The following LIMCH1 variants were observed in gnomAD, a reference collection of about 807,000 sequenced individuals.
LIMCH1 encodes LIM and calponin homology domains 1.
In LIMCH1, 113 loss-of-function variants were observed where a neutral mutation model predicts 176.5. That is an observed-to-expected ratio of 0.64 (90% CI 0.55 to 0.75). The LOEUF is 0.75. Among genes scored for constraint, LIMCH1 ranks in the 30% least tolerant of loss-of-function variants. The pLI is 0.00. For missense variants in LIMCH1, 1,674 were observed against 1,814.9 expected (o/e 0.92, Z 1.41); for synonymous variants, 619 against 645.9 (o/e 0.96, Z 0.63).
chr4:41,644,408 G>C, intron 14 of LIMCH1, 92 bp from the exon 15 acceptor site: 1 of 1,391,092 alleles, frequency 7.2e-7, no homozygotes, highest in South Asian at 1.6e-5. Context: ...TCCAAGCCCG[G>C]TAGCGCCCCC....
intron 22 of LIMCH1, among the ~76,000 whole-genome samples, chr4:41,673,947 C>T (rs1406188476): frequency 1.3e-5 from 2 of 152,210 alleles, no homozygotes; most frequent in South Asian, 2.1e-4. Flanking sequence ...CCACTCCACA[C>T]ACACTCAGGT....
chr4:41,589,809 G>T (rs1421615363), intron 1 of LIMCH1, among the ~76,000 whole-genome samples: 1 of 152,066 alleles, frequency 6.6e-6, no homozygotes, highest in South Asian at 2.1e-4. Context: ...TACATATTCT[G>T]CAGGGGCCTT....
chr4:41,447,498 A>G (rs2063402500), intron 1 of LIMCH1, among the ~76,000 whole-genome samples: 1 of 152,218 alleles, frequency 6.6e-6, no homozygotes, highest in Non-Finnish European at 1.5e-5. Flanking sequence ...TTCAAGGAAA[A>G]CCAAATATTC....
intron 20 of LIMCH1, among the ~76,000 whole-genome samples, chr4:41,664,708 A>G (rs1461046430): frequency 2.6e-5 from 4 of 152,186 alleles, no homozygotes; most frequent in African/African-American, 9.6e-5. Flanking sequence ...TGAATACCCT[A>G]AGTAAAAAGC....
intron 13 of LIMCH1, among the ~76,000 whole-genome samples, chr4:41,637,174 C>CTCCTTT (rs5857810): frequency 0.49 from 73,385 of 151,042 alleles, 18,080 homozygotes; most frequent in South Asian, 0.52. Context: ...TGCCCTTGCA[C>CTCCTTT]TCCTTTTCCT....
intron 1 of LIMCH1, among the ~76,000 whole-genome samples, chr4:41,468,252 C>T (rs1345967689): frequency 1.7e-5 from 2 of 116,438 alleles, no homozygotes; most frequent in Non-Finnish European, 3.7e-5. Flanking sequence ...CCTCCCTCCC[C>T]TCCCTCCTTT....
chr4:41,380,210 A>G (rs931045927), intron 1 of LIMCH1, among the ~76,000 whole-genome samples: 1 of 152,202 alleles, frequency 6.6e-6, no homozygotes, highest in Admixed American at 6.5e-5. Context: ...CACTGGTAAT[A>G]TGCACTATTT....
intron 1 of LIMCH1, among the ~76,000 whole-genome samples, chr4:41,489,024 G>A (rs2070242239): frequency 6.6e-6 from 1 of 152,032 alleles, no homozygotes; most frequent in Non-Finnish European, 1.5e-5. Flanking sequence ...CGTGTCAAGG[G>A]ATTTATCAAG....
intron 1 of LIMCH1, among the ~76,000 whole-genome samples, chr4:41,543,971 T>G (rs2079024028): frequency 6.6e-6 from 1 of 152,224 alleles, no homozygotes; most frequent in African/African-American, 2.4e-5. Context: ...AGATGTTTAC[T>G]TCTATATTTT....
intron 1 of LIMCH1, among the ~76,000 whole-genome samples, chr4:41,593,118 C>G (rs1423802140): frequency 6.6e-6 from 1 of 152,112 alleles, no homozygotes; most frequent in African/African-American, 2.4e-5. Context: ...GAGTGAGTTG[C>G]AAGGATGTCT....
intron 1 of LIMCH1, among the ~76,000 whole-genome samples, chr4:41,382,729 CA>C (rs2055877733): frequency 6.6e-6 from 1 of 152,180 alleles, no homozygotes; most frequent in Admixed American, 6.5e-5. Flanking sequence ...ATACTCAGCT[CA>C]ACACTCAGGG....
At chr4:41,416,031 G>T (rs1224528954) in intron 1 of LIMCH1, among the ~76,000 whole-genome samples, 1 of 152,006 alleles carries the variant, frequency 6.6e-6, no homozygotes. Flanking sequence ...TTCTTTGAGG[G>T]TATTTTATGT....
At chr4:41,409,313 T>C (rs1206431272) in intron 1 of LIMCH1, among the ~76,000 whole-genome samples, 1 of 152,170 alleles carries the variant, frequency 6.6e-6, no homozygotes, top group East Asian at 1.9e-4. Flanking sequence ...TTTGAGTCAG[T>C]TCATTAGGAA....
intron 1 of LIMCH1, among the ~76,000 whole-genome samples, chr4:41,370,446 G>A (rs907547425): frequency 6.6e-6 from 1 of 152,036 alleles, no homozygotes; most frequent in African/African-American, 2.4e-5. Context: ...AAATGGCCAC[G>A]GCTGTGACTG....
intron 1 of LIMCH1, among the ~76,000 whole-genome samples, chr4:41,400,582 T>C (rs1440716829): frequency 6.6e-6 from 1 of 152,196 alleles, no homozygotes; most frequent in Non-Finnish European, 1.5e-5. Context: ...TAATGCAGTT[T>C]CTTTAGGAAG....
At position 41,646,285 on chromosome 4, in the gene LIMCH1, GTTCT is replaced by G; in HGVS notation, c.2411+10_2411+13del. On this transcript the variant is annotated splice_donor_region_variant and intron_variant, in intron 16 of 31. Coordinates refer to ENST00000503057, the MANE Select transcript of LIMCH1 (RefSeq NM_001330672.2). ...CAGAGAAATTGTTCAAGAAAAGTGA[GTTCT>G]TTCTGTTGTCGTTTTTAATGTACAA... 1 of 1,599,180 alleles carries G rather than the reference GTTCT, an allele frequency of 6.3e-7. No individual in the cohort carries two copies. The highest frequency in any genetic ancestry group is 8.5e-7 in the Non-Finnish European group (1 of 1,176,112).
At chr4:41,456,021 C>CT (rs538896425) in intron 1 of LIMCH1, among the ~76,000 whole-genome samples, 1 of 151,816 alleles carries the variant, frequency 6.6e-6, no homozygotes, top group Non-Finnish European at 1.5e-5. Context: ...GTGAGACACA[C>CT]TTTTTTTTGT....
rs992268201 is a variant in LIMCH1 at position 41,620,632 on chromosome 4, C to T, written c.667C>T (p.Arg223Cys). 9.8e-6 allele frequency: 15 copies of T among 1,536,028 alleles called. No homozygotes were observed. Among genetic ancestry groups the T allele is most frequent in the Middle Eastern group, 1.7e-4 (1 of 5,998 alleles). The change falls in exon 7 of 32, where the codon CGC becomes TGC. Residue 223 changes from arginine (R) to cysteine (C), a missense_variant. This residue lies in a region of LIMCH1 where 655 missense variants were observed against 692.2 expected (regional missense o/e 0.95). Transcript: ENST00000503057. ...AAAAGATGCTGCTGAGATCCAAAAG[C>T]GCAAAAGGCTAGAGCAAGCTGGAAT... ...EEKDAAEIQK[R>C]KRLEQAGIKV...
chr4:41,594,669 G>GA (rs1205015640), intron 1 of LIMCH1, among the ~76,000 whole-genome samples: 1 of 152,190 alleles, frequency 6.6e-6, no homozygotes. Flanking sequence ...CAAGAAGCTG[G>GA]AAACAGACCT....
Sources: gnomAD v4.1 joint callset for allele counts (sites outside exome capture counted in the v4.1 genomes callset) on GRCh38, gnomAD v4.1.1 for gene constraint, gnomAD v4.1.1 regional missense constraint, MANE v1.5 for transcripts, NCBI Gene and HGNC (gene_info 2026-07-23, HGNC 2026-07-21) for gene names.